Variants in LGI1 observed in about 807,000 individuals in gnomAD.
The protein encoded by LGI1 is leucine rich glioma inactivated 1.
A neutral mutation model predicts 57.7 loss-of-function variants in LGI1; 11 were observed. That is an observed-to-expected ratio of 0.19 (90% confidence interval 0.12 to 0.32). LGI1 has a LOEUF of 0.32. Among genes scored for constraint, LGI1 ranks in the 10% least tolerant of loss-of-function variants. The pLI is 1.00. For missense variants in LGI1, 422 were observed against 661.9 expected (o/e 0.64, Z 3.98); for synonymous variants, 222 against 241.9 (o/e 0.92, Z 0.76).
At chr10:93,790,387 G>A in intron 5 of LGI1, 1 of 551,592 alleles carries the variant, frequency 1.8e-6, no homozygotes, top group Non-Finnish European at 3.2e-6. Flanking sequence ...TGGCACCCAG[G>A]CATTCCTTTG....
intron 2 of LGI1, among the ~76,000 whole-genome samples, chr10:93,762,179 A>T (rs1003558844): frequency 6.6e-6 from 1 of 152,208 alleles, no homozygotes; most frequent in Non-Finnish European, 1.5e-5. Context: ...CAAAACAAAA[A>T]CACTGCACGT....
chr10:93,770,930 T>G (rs992489323), intron 2 of LGI1: 4 of 152,198 alleles, frequency 2.6e-5, no homozygotes, highest in Non-Finnish European at 5.9e-5. Flanking sequence ...TTCTAAATAC[T>G]TTCATTTTTT....
intron 4 of LGI1, among the ~76,000 whole-genome samples, chr10:93,780,612 GT>G (rs1446365238): frequency 2.6e-5 from 4 of 152,150 alleles, no homozygotes; most frequent in Non-Finnish European, 5.9e-5. Context: ...GTAGCACTAG[GT>G]TCATAGATGA....
rs201612932 is a variant in LGI1 at position 93,786,401 on chromosome 10, CT to C, written c.432-3695del. Among the ~76,000 whole-genome samples the C allele has an allele frequency of 1.3e-3, 62 of 47,114 alleles. 14 individuals carry two copies. Among genetic ancestry groups the C allele is most frequent in the African/African-American group, 1.7e-3 (58 of 33,810 alleles). The allele number at this position is 47,114 out of a possible 152,430, so 30.9% of individuals were successfully genotyped here. On this transcript the variant is annotated intron_variant, in intron 4 of 7. Coordinates refer to ENST00000371418, the MANE Select transcript of LGI1 (RefSeq NM_005097.4). ...ATCCTTTCAAAAAGTCAACTTTATT[CT>C]TTGTTTCTTCTGATTATAAAATAAT...
intron 4 of LGI1, among the ~76,000 whole-genome samples, chr10:93,782,531 T>C (rs1036230396): frequency 6.6e-6 from 1 of 151,982 alleles, no homozygotes; most frequent in Admixed American, 6.6e-5. Flanking sequence ...TGCTATAGTG[T>C]ATATACCATT....
At position 93,758,088 on chromosome 10, in the gene LGI1, A is replaced by G; in HGVS notation, c.-57A>G. ...ATGTGACCTGTTCTTAGAGCAAGAC[A>G]ATCACCATCTGAATTCCAGAAGCCC... On this transcript the variant is annotated 5_prime_UTR_variant, in exon 1 of 8. Coordinates refer to ENST00000371418, the MANE Select transcript of LGI1 (RefSeq NM_005097.4). This position sits in a 1 kb window ranked among gnomAD's most constrained non-coding sequence, Gnocchi z 4.7. 2 of 1,490,944 alleles carry G rather than the reference A, an allele frequency of 1.3e-6. No homozygotes were observed. Among genetic ancestry groups the G allele is most frequent in the Non-Finnish European group, 1.9e-6 (2 of 1,070,132 alleles). 92.4% of individuals were successfully genotyped at this position (1,490,944 alleles called of 1,614,324 possible).
chr10:93,773,257 G>A (rs1244169001), intron 2 of LGI1, among the ~76,000 whole-genome samples: 6 of 152,122 alleles, frequency 3.9e-5, no homozygotes, highest in Non-Finnish European at 8.8e-5. Flanking sequence ...AAATCCGTAT[G>A]AGCTGAGTGG....
chr10:93,789,491 T>G (rs1324282445), intron 4 of LGI1: 1 of 152,692 alleles, frequency 6.5e-6, no homozygotes, highest in East Asian at 1.9e-4. Flanking sequence ...TTGGGAGATA[T>G]CCCCTAGATT....
chr10:93,797,393 A>T lies in LGI1; in HGVS notation c.1264A>T (p.Asn422Tyr). 6.2e-7 allele frequency: 1 copy of T among 1,614,204 alleles called. No individual in the cohort carries two copies. Among genetic ancestry groups the T allele is most frequent in the South Asian group, 1.1e-5 (1 of 91,088 alleles). Reference sequence around the variant, plus strand: ...GAACAAAGCAACACAATTATTCACTAACCAAACTGACATTCCTAACATGGA... The same window carrying T: ...GAACAAAGCAACACAATTATTCACTTACCAAACTGACATTCCTAACATGGA... ...QWNKATQLFT[N>Y]QTDIPNMEDV... The change falls in exon 8 of 8, where the codon AAC becomes TAC. Residue 422 changes from asparagine (N) to tyrosine (Y), a missense_variant. Around this residue, in one of 3 missense-constraint regions of LGI1, gnomAD observed 301 missense variants for 461.7 expected, o/e 0.65. Transcript: ENST00000371418. The surrounding 1 kb of genome is among the most constrained non-coding windows in gnomAD (Gnocchi z 6.5).
intron 4 of LGI1, among the ~76,000 whole-genome samples, chr10:93,784,862 C>A (rs552256680): frequency 2.0e-5 from 3 of 152,272 alleles, no homozygotes; most frequent in Non-Finnish European, 1.5e-5. Flanking sequence ...AAGAGAAGGA[C>A]TAGACACTCT....
In LGI1 at chr10:93,798,120, G is replaced by T; in HGVS notation, c.*317G>T. ...TTCCATTTATTTATTCATGTGTACA[G>T]AAACAACTGCCAAATAAAATGTTTA... On this transcript the variant is annotated 3_prime_UTR_variant, in exon 8 of 8. Transcript: ENST00000371418. The T allele has an allele frequency of 3.1e-6, 1 of 319,332 alleles. No homozygotes were observed. Among genetic ancestry groups the T allele is most frequent in the East Asian group, 6.9e-5 (1 of 14,464 alleles). 19.8% of individuals were successfully genotyped at this position (319,332 alleles called of 1,614,324 possible). A position where few individuals can be genotyped will look rare whatever the true frequency, so the allele number is the denominator to read the frequency against.
Position 93,758,063 on chromosome 10 carries a change from A to G in LGI1, c.-82A>G, listed in dbSNP as rs770920711. On this transcript the variant is annotated 5_prime_UTR_variant, in exon 1 of 8. It removes an upstream start codon present in the reference 5' UTR. Transcript: ENST00000371418. The surrounding 1 kb of genome is among the most constrained non-coding windows in gnomAD (Gnocchi z 4.7). Reference sequence around the variant, plus strand: ...AGGCAGAGGAAAAGGGTGGACTCCTATGTGACCTGTTCTTAGAGCAAGACA... The same window carrying G: ...AGGCAGAGGAAAAGGGTGGACTCCTGTGTGACCTGTTCTTAGAGCAAGACA... 16 of 1,247,124 alleles carry G rather than the reference A, an allele frequency of 1.3e-5. No individual in the cohort carries two copies. Among genetic ancestry groups the G allele is most frequent in the African/African-American group, 3.0e-5 (2 of 67,476 alleles). 77.3% of individuals were successfully genotyped at this position (1,247,124 alleles called of 1,614,324 possible). A position where few individuals can be genotyped will look rare whatever the true frequency, so the allele number is the denominator to read the frequency against.
intron 2 of LGI1, among the ~76,000 whole-genome samples, chr10:93,776,502 G>A (rs188261265): frequency 9.9e-5 from 15 of 152,134 alleles, no homozygotes; most frequent in Admixed American, 7.2e-4. Context: ...CAGGTTCAGC[G>A]GTGAATTCAC....
intron 4 of LGI1, among the ~76,000 whole-genome samples, chr10:93,778,332 C>G (rs1385970209): frequency 1.4e-5 from 2 of 143,362 alleles, no homozygotes; most frequent in East Asian, 4.1e-4. Flanking sequence ...TCACCCTCTA[C>G]AGACAAACAC....
chr10:93,783,357 C>T (rs949953320), intron 4 of LGI1, among the ~76,000 whole-genome samples: 1 of 152,166 alleles, frequency 6.6e-6, no homozygotes, highest in Non-Finnish European at 1.5e-5. Flanking sequence ...GCTTGGGTGA[C>T]AGAGCGAGAC....
intron 4 of LGI1, chr10:93,788,464 T>G (rs1218168170): frequency 6.6e-6 from 1 of 152,184 alleles, no homozygotes; most frequent in Non-Finnish European, 1.5e-5. Flanking sequence ...TTCAATAATC[T>G]TATGAGATAA....
At chr10:93,765,984 A>G (rs1247800705) in intron 2 of LGI1, among the ~76,000 whole-genome samples, 1 of 151,892 alleles carries the variant, frequency 6.6e-6, no homozygotes, top group African/African-American at 2.4e-5. Context: ...AAAAAAAAAA[A>G]AAAAAGAAAT....
chr10:93,766,567 C>G (rs933824637), intron 2 of LGI1, among the ~76,000 whole-genome samples: 11 of 117,782 alleles, frequency 9.3e-5, no homozygotes, highest in Admixed American at 4.9e-4. Flanking sequence ...TGCAGTGGCG[C>G]GATCTCGGCT....
At chr10:93,782,609 C>G (rs2059855996) in intron 4 of LGI1, 1 of 152,184 alleles carries the variant, frequency 6.6e-6, no homozygotes, top group Non-Finnish European at 1.5e-5. Context: ...GTAGTAAGCA[C>G]CACTGTGTAG....
Sources: allele counts gnomAD v4.1 joint callset (sites outside exome capture counted in the v4.1 genomes callset), GRCh38; gene constraint gnomAD v4.1.1; regional missense constraint gnomAD v4.1.1; non-coding constraint Gnocchi (gnomAD v3.1); transcripts MANE v1.5; gene names NCBI Gene and HGNC (gene_info 2026-07-23, HGNC 2026-07-21).